TRHDE: variants seen among roughly 807,000 people sequenced by gnomAD.
TRHDE encodes thyrotropin-releasing hormone-degrading ectoenzyme.
TRHDE carries 72 observed loss-of-function variants against 125.7 expected under a neutral mutation model. The observed-to-expected ratio is 0.57, with a 90% confidence interval of 0.47 to 0.70. The LOEUF (loss-of-function observed/expected upper bound fraction) is 0.70, where lower values mean the gene tolerates loss of function less well. Among genes scored for constraint, TRHDE ranks in the 30% least tolerant of loss-of-function variants. The probability of loss-of-function intolerance (pLI) is 0.00; values close to 1 mark genes in which losing one functional copy is unlikely to be tolerated. For missense variants in TRHDE, 1,110 were observed against 1,327.1 expected (o/e 0.84, Z 2.54); for synonymous variants, 509 against 509.1 (o/e 1.00, Z 0.00).
chr12:72,167,456 G>A, intron 2 of TRHDE: 1 of 152,118 alleles, frequency 6.6e-6, no homozygotes, highest in East Asian at 1.9e-4. Context: ...TGCTTACAAA[G>A]CTAACATCTG....
Position 72,222,071 on chromosome 12 carries a change from G to A in TRHDE, n.279+116319G>A, listed in dbSNP as rs768747381. Among the ~76,000 whole-genome samples the A allele has an allele frequency of 7.2e-5, 11 of 152,176 alleles. No individual in the cohort carries two copies. The East Asian group carries it at 1.7e-3, about 24-fold the overall frequency. ...TCGTGGTCGAAGGCTTCAGGAGCAAGTATTTCAGCAAGGAAGACAGAAACT... is the reference window on the plus strand; with the variant it reads ...TCGTGGTCGAAGGCTTCAGGAGCAAATATTTCAGCAAGGAAGACAGAAACT... On this transcript the variant is annotated intron_variant and non_coding_transcript_variant, in intron 2 of 4. Coordinates refer to the TRHDE transcript ENST00000548156.
intron 2 of TRHDE, among the ~76,000 whole-genome samples, chr12:72,193,291 T>C (rs931685671): frequency 1.3e-5 from 2 of 152,024 alleles, no homozygotes; most frequent in Admixed American, 1.3e-4. Context: ...TTTTTTTTTT[T>C]CCAAATGAGG....
At chr12:72,319,092 A>G (rs907924580) in intron 2 of TRHDE, among the ~76,000 whole-genome samples, 1 of 152,138 alleles carries the variant, frequency 6.6e-6, no homozygotes, top group Non-Finnish European at 1.5e-5. Flanking sequence ...GTCACCAGTA[A>G]ATACTGAGAA....
chr12:72,098,778 TC>T (rs1196953054), intron 1 of TRHDE, among the ~76,000 whole-genome samples: 1 of 152,142 alleles, frequency 6.6e-6, no homozygotes, highest in Non-Finnish European at 1.5e-5. Flanking sequence ...ATCTTGCACC[TC>T]CCAGCCAGCT....
Position 72,272,667 on chromosome 12 carries a change from G to T in TRHDE, c.24G>T (p.Gly8=). MALDGEL[G]EQEEEKKKKK... ...TGATGGCCCTGGACGGCGAGCTGGGGGAGCAAGAGGAGGAGAAGAAAAAGA... is the reference window on the plus strand; with the variant it reads ...TGATGGCCCTGGACGGCGAGCTGGGTGAGCAAGAGGAGGAGAAGAAAAAGA... Residue 8 remains glycine, a synonymous_variant, in exon 1 of 19, where the codon GGG becomes GGT. Transcript: ENST00000261180. The surrounding 1 kb of genome is among the most constrained non-coding windows in gnomAD (Gnocchi z 6.7). 8.0e-7 allele frequency: 1 copy of T among 1,256,960 alleles called. No individual in the cohort carries two copies. Among genetic ancestry groups the T allele is most frequent in the Non-Finnish European group, 1.1e-6 (1 of 941,748 alleles). The allele number at this position is 1,256,960 out of a possible 1,614,324, so 77.9% of individuals were successfully genotyped here.
chr12:72,446,327 C>G (rs1308235058), intron 3 of TRHDE, among the ~76,000 whole-genome samples: 1 of 151,742 alleles, frequency 6.6e-6, no homozygotes. Flanking sequence ...TTGTCACCAC[C>G]AGGCCTGCCT....
chr12:72,357,379 A>C (rs1870871476), intron 2 of TRHDE, among the ~76,000 whole-genome samples: 1 of 151,516 alleles, frequency 6.6e-6, no homozygotes, highest in Admixed American at 6.6e-5. Flanking sequence ...TTTCTCCCCT[A>C]CCTCAACCCT....
At chr12:72,507,042 T>C (rs1056407791) in intron 6 of TRHDE, among the ~76,000 whole-genome samples, 1 of 152,128 alleles carries the variant, frequency 6.6e-6, no homozygotes, top group African/African-American at 2.4e-5. Context: ...TTCCTCTTGC[T>C]CAAGCCTTGT....
chr12:72,603,230 C>G (rs1565806681), intron 12 of TRHDE, among the ~76,000 whole-genome samples: 1 of 152,064 alleles, frequency 6.6e-6, no homozygotes, highest in Non-Finnish European at 1.5e-5. Flanking sequence ...AAATCATTGT[C>G]AGGCAAATGG....
intron 6 of TRHDE, among the ~76,000 whole-genome samples, chr12:72,501,587 A>G (rs1214636573): frequency 6.6e-6 from 1 of 151,956 alleles, no homozygotes; most frequent in African/African-American, 2.4e-5. Flanking sequence ...GTTGGATTCA[A>G]TTTGCTAAAA....
At chr12:72,122,411 G>A (rs1875606737) in intron 2 of TRHDE, among the ~76,000 whole-genome samples, 1 of 152,114 alleles carries the variant, frequency 6.6e-6, no homozygotes, top group Non-Finnish European at 1.5e-5. Flanking sequence ...ATTTTAGACA[G>A]TGACAAAATA....
chr12:72,522,436 C>A (rs1366617041), intron 6 of TRHDE, among the ~76,000 whole-genome samples: 1 of 152,146 alleles, frequency 6.6e-6, no homozygotes, highest in East Asian at 1.9e-4. Context: ...TCAGGATTTA[C>A]AATGAATTTA....
intron 2 of TRHDE, among the ~76,000 whole-genome samples, chr12:72,109,635 A>AAAACAAAACC (rs1420529488): frequency 6.6e-6 from 1 of 151,976 alleles, no homozygotes. Flanking sequence ...TGTTTTAAAC[A>AAAACAAAACC]AAACAAAACA....
At chr12:72,423,213 G>C (rs1874033063) in intron 3 of TRHDE, among the ~76,000 whole-genome samples, 1 of 152,112 alleles carries the variant, frequency 6.6e-6, no homozygotes, top group African/African-American at 2.4e-5. Flanking sequence ...GTACAGAAGT[G>C]GAACACATTT....
rs1874998463 is a variant in TRHDE at position 72,663,496 on chromosome 12, A to C, written c.*301A>C. On this transcript the variant is annotated 3_prime_UTR_variant, in exon 19 of 19. Transcript: ENST00000261180. ...ACAGGACCAAATATGATAGTGATGC[A>C]TGTTGATGTTACAGTCAATTTGGAA... 5.0e-6 allele frequency: 1 copy of C among 200,832 alleles called. No individual in the cohort carries two copies. Among genetic ancestry groups the C allele is most frequent in the African/African-American group, 2.3e-5 (1 of 43,146 alleles). 12.4% of individuals were successfully genotyped at this position (200,832 alleles called of 1,614,324 possible).
intron 1 of TRHDE, among the ~76,000 whole-genome samples, chr12:72,276,990 G>T (rs562399365): frequency 1.3e-5 from 2 of 152,254 alleles, no homozygotes; most frequent in Non-Finnish European, 2.9e-5. Context: ...TCAAAGTAGG[G>T]TACCTTAATT....
chr12:72,551,876 A>C (rs1869692837), intron 7 of TRHDE, among the ~76,000 whole-genome samples: 1 of 152,108 alleles, frequency 6.6e-6, no homozygotes, highest in Non-Finnish European at 1.5e-5. Flanking sequence ...TGTTTAGGGA[A>C]TCCTTCTTGA....
At chr12:72,523,085 G>T (rs1187661471) in intron 6 of TRHDE, among the ~76,000 whole-genome samples, 1 of 151,950 alleles carries the variant, frequency 6.6e-6, no homozygotes, top group Non-Finnish European at 1.5e-5. Flanking sequence ...CCCTGTTGTA[G>T]GCAGAAGCCA....
intron 12 of TRHDE, among the ~76,000 whole-genome samples, chr12:72,602,031 A>T (rs1039357085): frequency 2.0e-5 from 3 of 152,170 alleles, no homozygotes; most frequent in Non-Finnish European, 4.4e-5. Context: ...TTCTTTATAG[A>T]TACTAATTGA....
Sources: gnomAD v4.1 joint callset for allele counts (sites outside exome capture counted in the v4.1 genomes callset) on GRCh38, gnomAD v4.1.1 for gene constraint, Gnocchi (gnomAD v3.1) non-coding constraint, MANE v1.5 for transcripts, NCBI Gene and HGNC (gene_info 2026-07-23, HGNC 2026-07-21) for gene names.